NTRK2: variants seen among roughly 807,000 people sequenced by gnomAD.
NTRK2 encodes the protein neurotrophic receptor tyrosine kinase 2, also known as BDNF/NT-3 growth factors receptor.
A neutral mutation model predicts 94.5 loss-of-function variants in NTRK2; 13 were observed. The observed-to-expected ratio is 0.14, with a 90% CI of 0.09 to 0.22. The LOEUF (loss-of-function observed/expected upper bound fraction) is 0.22. NTRK2 is among the 10% of genes least tolerant of loss of function. NTRK2 has a pLI of 1.00. For missense variants in NTRK2, 639 were observed against 1,071.2 expected, an observed-to-expected ratio of 0.60 and a Z score of 5.63; for synonymous variants, 372 against 407.4, an observed-to-expected ratio of 0.91 and a Z score of 1.05.
intron 17 of NTRK2, among the ~76,000 whole-genome samples, chr9:85,002,063 T>C (rs1048619016): frequency 6.6e-6 from 1 of 152,194 alleles, no homozygotes; most frequent in African/African-American, 2.4e-5. Context: ...ATCTCCCTGC[T>C]AATACTCACC....
At chr9:84,680,837 T>C (rs183811202) in intron 2 of NTRK2, among the ~76,000 whole-genome samples, 203 of 152,288 alleles carry the variant, frequency 1.3e-3, no homozygotes, top group Non-Finnish European at 9.6e-4. Flanking sequence ...GCCATATTGC[T>C]CTGTCCTTAT....
intron 12 of NTRK2, among the ~76,000 whole-genome samples, chr9:84,853,810 G>T (rs1161111672): frequency 6.6e-6 from 1 of 152,156 alleles, no homozygotes; most frequent in Non-Finnish European, 1.5e-5. Flanking sequence ...GTCTGGGGGT[G>T]GTGGCTCATG....
In NTRK2 at chr9:84,978,147, C is replaced by T. The variant is rs76750692; in HGVS notation, c.2172+22630C>T. 6.2e-3 allele frequency among the ~76,000 whole-genome samples: 943 copies of T among 152,282 alleles called. 17 individuals are homozygous for T. Among genetic ancestry groups the T allele is most frequent in the African/African-American group, 0.021 (891 of 41,572 alleles). On this transcript the variant is annotated intron_variant, in intron 17 of 18. Transcript: ENST00000277120. ...TTTTCAAGTGAAAGGAGGAGTCACA[C>T]ATATCTCACTTTAAATCAAAAGCTA... is the stretch of plus-strand genomic sequence containing the variant.
At chr9:84,814,730 G>A (rs2072199961) in intron 12 of NTRK2, 9 of 1,064,380 alleles carry the variant, frequency 8.5e-6, no homozygotes, top group Non-Finnish European at 1.0e-5. Flanking sequence ...TCCAGATACA[G>A]AGGGACAGCT....
intron 12 of NTRK2, among the ~76,000 whole-genome samples, chr9:84,857,184 A>G (rs1166173335): frequency 1.3e-5 from 2 of 151,774 alleles, no homozygotes; most frequent in African/African-American, 4.8e-5. Flanking sequence ...ATTTTTTCCT[A>G]CATTCCTTCT....
chr9:84,844,649 T>TCA (rs10562034), intron 12 of NTRK2, among the ~76,000 whole-genome samples: 10,105 of 140,730 alleles, frequency 0.072, 424 homozygotes, highest in African/African-American at 0.11. Flanking sequence ...AATACCTCAC[T>TCA]CACACACACA....
At chr9:84,987,950 A>G (rs1828533625) in intron 17 of NTRK2, among the ~76,000 whole-genome samples, 1 of 152,202 alleles carries the variant, frequency 6.6e-6, no homozygotes, top group Admixed American at 6.5e-5. Flanking sequence ...TACTTCCTTA[A>G]AATCTTTACT....
intron 14 of NTRK2, among the ~76,000 whole-genome samples, chr9:84,869,004 G>A (rs1248801719): frequency 6.6e-6 from 1 of 152,142 alleles, no homozygotes; most frequent in Non-Finnish European, 1.5e-5. Context: ...GCATAATTAA[G>A]TAGACCCGAT....
At chr9:85,009,106 C>T (rs1831290624) in intron 17 of NTRK2, among the ~76,000 whole-genome samples, 1 of 152,230 alleles carries the variant, frequency 6.6e-6, no homozygotes, top group African/African-American at 2.4e-5. Context: ...CTTCTGCTTC[C>T]AGGCTTCTCC....
chr9:84,948,196 T>G (rs1052473301), intron 15 of NTRK2, among the ~76,000 whole-genome samples: 1 of 152,144 alleles, frequency 6.6e-6, no homozygotes, highest in Non-Finnish European at 1.5e-5. Context: ...AATTATTGGG[T>G]GCAGACCAGG....
chr9:84,770,127 C>T (rs1031420433), intron 12 of NTRK2, among the ~76,000 whole-genome samples: 6 of 150,638 alleles, frequency 4.0e-5, no homozygotes, highest in African/African-American at 1.5e-4. Flanking sequence ...AGTGGAGCTC[C>T]TCCCCACTCC....
chr9:84,794,627 A>C (rs1301323945), intron 12 of NTRK2, among the ~76,000 whole-genome samples: 1 of 152,220 alleles, frequency 6.6e-6, no homozygotes, highest in African/African-American at 2.4e-5. Flanking sequence ...AGTTAGATGC[A>C]TAAAAATGTT....
At chr9:84,924,277 A>AAGAAAGAC in intron 14 of NTRK2, among the ~76,000 whole-genome samples, 1 of 150,474 alleles carries the variant, frequency 6.6e-6, no homozygotes, top group Admixed American at 6.6e-5. Flanking sequence ...GAAAGAAAGA[A>AAGAAAGAC]AGAAAGAAAG....
intron 12 of NTRK2, among the ~76,000 whole-genome samples, chr9:84,785,175 A>C (rs928419715): frequency 6.6e-6 from 1 of 152,194 alleles, no homozygotes; most frequent in Non-Finnish European, 1.5e-5. Context: ...AAAAATGCAA[A>C]TCATATCACA....
intron 12 of NTRK2, among the ~76,000 whole-genome samples, chr9:84,850,603 G>C (rs2074715958): frequency 6.6e-6 from 1 of 152,154 alleles, no homozygotes; most frequent in African/African-American, 2.4e-5. Context: ...GTCCAATCAG[G>C]TGGTCAGGAC....
intron 13 of NTRK2, among the ~76,000 whole-genome samples, chr9:84,862,153 G>A (rs1447970189): frequency 6.6e-6 from 1 of 152,166 alleles, no homozygotes. Context: ...AACCAGCAAA[G>A]GGGAAGTGGA....
At chr9:84,763,351 CT>C (rs549196698) in intron 12 of NTRK2, among the ~76,000 whole-genome samples, 1 of 152,000 alleles carries the variant, frequency 6.6e-6, no homozygotes, top group South Asian at 2.1e-4. Context: ...CATTTTTCCC[CT>C]CACTGACTCT....
intron 14 of NTRK2, among the ~76,000 whole-genome samples, chr9:84,924,749 G>A (rs763623): frequency 0.053 from 8,001 of 152,246 alleles, 291 homozygotes; most frequent in Admixed American, 0.11. Context: ...TTTATCTGCT[G>A]TAACATGCAG....
intron 17 of NTRK2, among the ~76,000 whole-genome samples, chr9:85,016,958 T>C (rs1464495132): frequency 2.6e-5 from 4 of 152,180 alleles, no homozygotes; most frequent in Admixed American, 2.6e-4. Context: ...AATCAAAACG[T>C]GAATCTTTTG....
Sources: gnomAD v4.1 joint callset for allele counts (sites outside exome capture counted in the v4.1 genomes callset) on GRCh38, gnomAD v4.1.1 for gene constraint, MANE v1.5 for transcripts, NCBI Gene and HGNC (gene_info 2026-07-23, HGNC 2026-07-21) for gene names.